Variants in ITGB4 observed in about 807,000 individuals in gnomAD.
ITGB4 encodes the protein integrin subunit beta 4, also known as integrin beta-4.
A neutral mutation model predicts 207.6 loss-of-function variants in ITGB4; 159 were observed. The ratio of observed to expected loss-of-function variants is 0.77; its 90% confidence interval spans 0.67 to 0.87. The LOEUF (loss-of-function observed/expected upper bound fraction) is 0.87. Among genes scored for constraint, ITGB4 ranks in the 40% least tolerant of loss-of-function variants. ITGB4 has a pLI of 0.00. For synonymous variants in ITGB4, 1,020 were observed against 1,062.7 expected (o/e 0.96, Z 0.78); for missense variants, 2,278 against 2,546.8 (o/e 0.89, Z 2.27).
intron 34 of ITGB4, 142 bp from the exon 35 acceptor site, chr17:75,755,559 G>T: frequency 3.8e-6 from 4 of 1,040,762 alleles, no homozygotes; most frequent in Non-Finnish European, 5.8e-6. Context: ...CCTGGACAGG[G>T]TGTTGCAGGG....
At chr17:75,741,094 C>A in intron 23 of ITGB4, 89 bp downstream of exon 23, 1 of 1,444,706 alleles carries the variant, frequency 6.9e-7, no homozygotes, top group Non-Finnish European at 9.6e-7. Flanking sequence ...CCTACTCCAT[C>A]TCCATCCCAT....
In ITGB4 at chr17:75,740,885, G is replaced by C; in HGVS notation, c.2609+34G>C. 6.2e-7 allele frequency: 1 copy of C among 1,613,282 alleles called. No individual in the cohort carries two copies. The highest frequency in any genetic ancestry group is 8.5e-7 in the Non-Finnish European group (1 of 1,179,736). On this transcript the variant is annotated intron_variant, in intron 22 of 39. Transcript: ENST00000200181. The surrounding 1 kb of genome is among the most constrained non-coding windows in gnomAD (Gnocchi z 5.9). ...CGGGGTGCCCGGGTTGGGTGGGGGA[G>C]CCGCTCCTACCGGGACTCCAGGAGC...
At chr17:75,733,340 C>T (rs957830741) in intron 12 of ITGB4, 150 bp from the exon 13 acceptor site, 23 of 517,976 alleles carry the variant, frequency 4.4e-5, no homozygotes, top group South Asian at 1.3e-4. Context: ...GAGCCAAGAT[C>T]GCGCCACTGC....
At position 75,753,697 on chromosome 17, in the gene ITGB4, C is replaced by T. The variant is rs1467266713; in HGVS notation, c.4109-68C>T. 4.5e-6 allele frequency: 5 copies of T among 1,106,496 alleles called. No individual in the cohort carries two copies. The South Asian group carries it at 1.2e-4, about 27-fold the overall frequency. The allele number at this position is 1,106,496 out of a possible 1,614,324, so 68.5% of individuals were successfully genotyped here. On this transcript the variant is annotated intron_variant, in intron 32 of 39. Transcript: ENST00000200181. ...CTCCCCTCGCAGAGCCTACGGCCTT[C>T]CCCCGCCTGGCCCTGCTCGGCCCGG...
Position 75,722,220 on chromosome 17 carries a change from G to A in ITGB4, c.-11+608G>A, listed in dbSNP as rs1159448355. Among the ~76,000 whole-genome samples the A allele has an allele frequency of 6.6e-6, 1 of 152,156 alleles. No homozygotes were observed. The highest frequency in any genetic ancestry group is 1.5e-5 in the Non-Finnish European group (1 of 68,012). The stretch of plus-strand genomic sequence containing the variant: ...GCGCCTTCCTTCAGGAAGCTCTACA[G>A]GCCTCACCCACCAGCCCCAGGGCTG... On this transcript the variant is annotated intron_variant, in intron 1 of 39. Coordinates refer to ENST00000200181, the MANE Select transcript of ITGB4 (RefSeq NM_000213.5). This position sits in a 1 kb window ranked among gnomAD's most constrained non-coding sequence, Gnocchi z 6.2.
chr17:75,742,452 G>A lies in ITGB4; in HGVS notation c.2745G>A (p.Lys915=). 1 of 1,613,188 alleles carries A rather than the reference G, an allele frequency of 6.2e-7. No homozygotes were observed. Among genetic ancestry groups the A allele is most frequent in the Non-Finnish European group, 8.5e-7 (1 of 1,179,830 alleles). Residue 915 remains lysine, a synonymous_variant, in exon 24 of 40, where the codon AAG becomes AAA. Transcript: ENST00000200181. The surrounding 1 kb of genome is among the most constrained non-coding windows in gnomAD (Gnocchi z 5.9). ...QVEQRAFHDL[K]VAPGYYTLTA... ...AACAGAGGGCCTTCCACGACCTCAA[G>A]GTGGCCCCCGGCTACTACACCCTCA...
Position 75,727,983 on chromosome 17 carries a change from A to T in ITGB4, c.469+128A>T. On this transcript the variant is annotated intron_variant, in intron 5 of 39. Transcript: ENST00000200181. The surrounding 1 kb of genome is among the most constrained non-coding windows in gnomAD (Gnocchi z 6.0). Reference sequence around the variant, plus strand: ...ACACTGGACATTTGAGCCCCCAAAAACCTTCCCTTCCATTCTCAAGGGAAG... The same window carrying T: ...ACACTGGACATTTGAGCCCCCAAAATCCTTCCCTTCCATTCTCAAGGGAAG... The T allele has an allele frequency of 1.2e-6, 1 of 836,546 alleles. No homozygotes were observed. Among genetic ancestry groups the T allele is most frequent in the South Asian group, 1.6e-5 (1 of 63,992 alleles). 51.8% of individuals were successfully genotyped at this position (836,546 alleles called of 1,614,324 possible).
chr17:75,734,382 C>T (rs1310597363), intron 13 of ITGB4, among the ~76,000 whole-genome samples: 4 of 151,878 alleles, frequency 2.6e-5, no homozygotes, highest in Admixed American at 6.6e-5. Context: ...GTGATCTGCC[C>T]GCCTCAGCCT....
chr17:75,726,644 A>G (rs1036544535), intron 2 of ITGB4, among the ~76,000 whole-genome samples: 3 of 152,044 alleles, frequency 2.0e-5, no homozygotes, highest in African/African-American at 7.3e-5. Flanking sequence ...AGGCAGGAGA[A>G]TCACTTGAAC....
chr17:75,750,011 G>A lies in ITGB4; in HGVS notation c.3317-100G>A, dbSNP rs902161911. ...GCGGGTGGGCAGGTCTGAGTTGAAT[G>A]CGCTGGGTAGAGCGCCCTGGGTGTT... On this transcript the variant is annotated intron_variant, in intron 27 of 39. Transcript: ENST00000200181. The surrounding 1 kb of genome is among the most constrained non-coding windows in gnomAD (Gnocchi z 5.5). The A allele has an allele frequency of 6.8e-7, 1 of 1,468,656 alleles. No individual in the cohort carries two copies. The highest frequency in any genetic ancestry group is 9.5e-7 in the Non-Finnish European group (1 of 1,049,320). 91.0% of individuals were successfully genotyped at this position (1,468,656 alleles called of 1,614,324 possible). A position where few individuals can be genotyped will look rare whatever the true frequency, so the allele number is the denominator to read the frequency against.
chr17:75,724,908 C>T, intron 2 of ITGB4, 126 bp downstream of exon 2: 1 of 802,378 alleles, frequency 1.2e-6, no homozygotes, highest in Non-Finnish European at 2.1e-6. Flanking sequence ...TGACCACTGC[C>T]CACCTTCAGG....
chr17:75,722,756 C>CGT lies in ITGB4; in HGVS notation c.-11+1144_-11+1145insGT, dbSNP rs1476736666. On this transcript the variant is annotated intron_variant, in intron 1 of 39. Coordinates refer to ENST00000200181, the MANE Select transcript of ITGB4 (RefSeq NM_000213.5). This position sits in a 1 kb window ranked among gnomAD's most constrained non-coding sequence, Gnocchi z 6.2. ...TGAGCCTGTGGGTGGGTGGGCATGG[C>CGT]CTGTGTGTGTGTGTGTGTGTGTGTG... Among the ~76,000 whole-genome samples, 1 of 39,724 alleles carries CGT rather than the reference C, an allele frequency of 2.5e-5. No homozygotes were observed. Among genetic ancestry groups the CGT allele is most frequent in the African/African-American group, 8.7e-5 (1 of 11,444 alleles). The allele number at this position is 39,724 out of a possible 152,430, so 26.1% of individuals were successfully genotyped here.
intron 1 of ITGB4, among the ~76,000 whole-genome samples, chr17:75,724,202 G>C (rs1189705719): frequency 6.6e-6 from 1 of 152,252 alleles, no homozygotes; most frequent in Non-Finnish European, 1.5e-5. Flanking sequence ...CCAGGCCCCA[G>C]ATATTGGGAG....
chr17:75,743,946 G>T, intron 26 of ITGB4, 85 bp downstream of exon 26: 1 of 1,408,198 alleles, frequency 7.1e-7, no homozygotes, highest in East Asian at 2.5e-5. Context: ...GCAGCACATG[G>T]CAGCTGCTTG....
Position 75,729,221 on chromosome 17 carries a change from G to T in ITGB4, c.567-44G>T. On this transcript the variant is annotated intron_variant, in intron 6 of 39. Transcript: ENST00000200181. The surrounding 1 kb of genome is among the most constrained non-coding windows in gnomAD (Gnocchi z 4.4). ...AGCCAGGGGCACTGGGGTCTGCGGC[G>T]TCTTCCCCCTGTGACACTCTCTCTC... 6.3e-7 allele frequency: 1 copy of T among 1,597,048 alleles called. No homozygotes were observed. Among genetic ancestry groups the T allele is most frequent in the Non-Finnish European group, 8.6e-7 (1 of 1,165,986 alleles).
chr17:75,755,998 C>A, intron 35 of ITGB4, 148 bp downstream of exon 35: 2 of 956,520 alleles, frequency 2.1e-6, no homozygotes, highest in Non-Finnish European at 3.2e-6. Flanking sequence ...GTCTCCCACC[C>A]CATTCTCCAC....
rs759492811 is a variant in ITGB4, at chr17:75,744,115, C to CT, written c.3111+276dup. On this transcript the variant is annotated intron_variant, in intron 26 of 39. Transcript: ENST00000200181. ...GGGACTCAGGCCAAGAGGGCTCGCT[C>CT]TTTTTTTTTTTTTTTTTTTTTTGAG... 0.086 allele frequency among the ~76,000 whole-genome samples: 9,512 copies of CT among 110,930 alleles called. 604 individuals are homozygous for CT. The highest frequency in any genetic ancestry group is 0.099 in the African/African-American group (2,762 of 27,770). The allele number at this position is 110,930 out of a possible 152,430, so 72.8% of individuals were successfully genotyped here.
At position 75,754,766 on chromosome 17, in the gene ITGB4, G is replaced by A. The variant is rs3191773; in HGVS notation, c.4509G>A (p.Ser1503=). 4,667 of 1,612,422 alleles carry A rather than the reference G, an allele frequency of 2.9e-3. 12 individuals are homozygous for A. The highest frequency in any genetic ancestry group is 3.2e-3 in the Non-Finnish European group (3,762 of 1,178,922). The change falls in exon 34 of 40, where the codon TCG becomes TCA. Residue 1503 remains serine (S), a synonymous_variant. Coordinates refer to ENST00000200181, the MANE Select transcript of ITGB4 (RefSeq NM_000213.5). ...NSLTRSEHSH[S]TTLPRDYSTL... ...TGACCCGCTCAGAACACTCACACTC[G>A]ACCACACTGCCCAGGGACTACTCCA...
chr17:75,751,682 A>T (rs2061370037), intron 30 of ITGB4: 1 of 222,006 alleles, frequency 4.5e-6, no homozygotes. Context: ...CGCAGGTTGC[A>T]GTGAACCGAG....
Sources: gnomAD v4.1 joint callset for allele counts (sites outside exome capture counted in the v4.1 genomes callset) on GRCh38, gnomAD v4.1.1 for gene constraint, Gnocchi (gnomAD v3.1) non-coding constraint, MANE v1.5 for transcripts, NCBI Gene and HGNC (gene_info 2026-07-23, HGNC 2026-07-21) for gene names.